The following JARID2 variants were observed in gnomAD, a reference collection of about 807,000 sequenced individuals.
JARID2 encodes the protein jumonji and AT-rich interaction domain containing 2.
In JARID2, 21 loss-of-function variants were observed where a neutral mutation model predicts 125.6. The observed-to-expected ratio is 0.17, with a 90% confidence interval of 0.12 to 0.24. The LOEUF (loss-of-function observed/expected upper bound fraction) is 0.24. Among genes scored for constraint, JARID2 ranks in the 10% least tolerant of loss-of-function variants. JARID2 has a pLI of 1.00. For missense variants in JARID2, 1,303 were observed against 1,639.6 expected, an observed-to-expected ratio of 0.79 and a Z score of 3.55; for synonymous variants, 736 against 661.6, an observed-to-expected ratio of 1.11 and a Z score of -1.73.
At chr6:15,351,432 A>G (rs763495382) in intron 1 of JARID2, among the ~76,000 whole-genome samples, 1 of 152,188 alleles carries the variant, frequency 6.6e-6, no homozygotes, top group Non-Finnish European at 1.5e-5. Flanking sequence ...CCTCATGGAA[A>G]GACACTGGCC....
At chr6:15,375,996 C>T (rs1360203308) in intron 2 of JARID2, among the ~76,000 whole-genome samples, 1 of 152,188 alleles carries the variant, frequency 6.6e-6, no homozygotes, top group Non-Finnish European at 1.5e-5. Context: ...TGAACAAAAA[C>T]TAAAGTTTGT....
At chr6:15,307,369 T>C (rs185598701) in intron 1 of JARID2, among the ~76,000 whole-genome samples, 1 of 152,106 alleles carries the variant, frequency 6.6e-6, no homozygotes, top group Non-Finnish European at 1.5e-5. Context: ...ATCACAGGCA[T>C]ACGGCACCAT....
At chr6:15,320,262 T>C (rs2127439236) in intron 1 of JARID2, among the ~76,000 whole-genome samples, 1 of 152,348 alleles carries the variant, frequency 6.6e-6, no homozygotes, top group Middle Eastern at 3.4e-3. Flanking sequence ...TAGTATTCAG[T>C]TAAGACACAG....
chr6:15,397,952 T>C (rs1392302505), intron 2 of JARID2, among the ~76,000 whole-genome samples: 1 of 152,146 alleles, frequency 6.6e-6, no homozygotes, highest in Non-Finnish European at 1.5e-5. Flanking sequence ...TTGTGTAGTA[T>C]TATAAATACT....
intron 2 of JARID2, among the ~76,000 whole-genome samples, chr6:15,387,119 A>G (rs1764817103): frequency 6.6e-6 from 1 of 152,128 alleles, no homozygotes. Context: ...TTTTCCCCAG[A>G]GGCACTCTAT....
At chr6:15,328,068 C>G (rs1229588432) in intron 1 of JARID2, among the ~76,000 whole-genome samples, 1 of 151,980 alleles carries the variant, frequency 6.6e-6, no homozygotes, top group African/African-American at 2.4e-5. Flanking sequence ...TGTAGCTGTT[C>G]AATAAATATT....
chr6:15,465,354 G>C (rs1254799041), intron 4 of JARID2, among the ~76,000 whole-genome samples: 1 of 152,182 alleles, frequency 6.6e-6, no homozygotes, highest in Non-Finnish European at 1.5e-5. Context: ...AGGAGGCTGA[G>C]GTGGGAGGAT....
chr6:15,424,352 A>G (rs1035557994), intron 3 of JARID2, among the ~76,000 whole-genome samples: 5 of 151,998 alleles, frequency 3.3e-5, no homozygotes, highest in African/African-American at 4.8e-5. Context: ...TCCCTCCACA[A>G]TCCTCCAAAT....
At chr6:15,409,528 C>A (rs1561843033) in intron 2 of JARID2, among the ~76,000 whole-genome samples, 2 of 152,202 alleles carry the variant, frequency 1.3e-5, no homozygotes, top group African/African-American at 4.8e-5. Context: ...TAGAATACTT[C>A]CATATCAGTT....
intron 2 of JARID2, among the ~76,000 whole-genome samples, chr6:15,399,987 T>C (rs1233832262): frequency 6.6e-6 from 1 of 152,162 alleles, no homozygotes; most frequent in Non-Finnish European, 1.5e-5. Context: ...AGCTATAACA[T>C]ATGAAAGGAG....
chr6:15,452,609 ACTTACGGTT>A, intron 4 of JARID2, among the ~76,000 whole-genome samples: 1 of 152,172 alleles, frequency 6.6e-6, no homozygotes, highest in South Asian at 2.1e-4. Context: ...GTGATGAGGG[ACTTACGGTT>A]CTCTCAGCCC....
intron 1 of JARID2, among the ~76,000 whole-genome samples, chr6:15,268,654 T>C (rs1443991314): frequency 1.3e-5 from 2 of 152,182 alleles, no homozygotes; most frequent in Non-Finnish European, 2.9e-5. Flanking sequence ...TTTTTGCAGC[T>C]CTTTCACATG....
chr6:15,337,234 T>A (rs755501109), intron 1 of JARID2, among the ~76,000 whole-genome samples: 1 of 152,202 alleles, frequency 6.6e-6, no homozygotes, highest in East Asian at 1.9e-4. Context: ...ATGGCTCTTA[T>A]CTCTTTCCTT....
At chr6:15,347,769 G>A (rs921030339) in intron 1 of JARID2, among the ~76,000 whole-genome samples, 5 of 152,146 alleles carry the variant, frequency 3.3e-5, no homozygotes, top group Admixed American at 2.6e-4. Context: ...GCAAGCTGGA[G>A]TGCAGTGGCG....
At chr6:15,455,844 AGAGTAACTAT>A (rs776840182) in intron 4 of JARID2, among the ~76,000 whole-genome samples, 1 of 152,224 alleles carries the variant, frequency 6.6e-6, no homozygotes, top group Non-Finnish European at 1.5e-5. Context: ...GGTTCTTTAA[AGAGTAACTAT>A]GACTTAACTA....
intron 1 of JARID2, among the ~76,000 whole-genome samples, chr6:15,304,872 C>T (rs573248157): frequency 6.6e-6 from 1 of 152,164 alleles, no homozygotes; most frequent in Non-Finnish European, 1.5e-5. Context: ...TGCATCTTAT[C>T]TGCTTGGTGA....
At chr6:15,278,409 AC>A (rs1760618299) in intron 1 of JARID2, among the ~76,000 whole-genome samples, 1 of 151,434 alleles carries the variant, frequency 6.6e-6, no homozygotes, top group Admixed American at 6.6e-5. Flanking sequence ...ACACGGTGAA[AC>A]CCCGTCTCTA....
intron 2 of JARID2, among the ~76,000 whole-genome samples, chr6:15,404,088 A>T (rs1765549450): frequency 6.6e-6 from 1 of 152,202 alleles, no homozygotes; most frequent in South Asian, 2.1e-4. Context: ...GTTGACCACA[A>T]GTGTGCCACC....
At chr6:15,478,761 C>T (rs1769472160) in intron 5 of JARID2, among the ~76,000 whole-genome samples, 1 of 152,018 alleles carries the variant, frequency 6.6e-6, no homozygotes, top group African/African-American at 2.4e-5. Context: ...TCTCCACCTC[C>T]CGGGTTCAAG....
Sources: allele counts gnomAD v4.1 joint callset (sites outside exome capture counted in the v4.1 genomes callset), GRCh38; gene constraint gnomAD v4.1.1; transcripts MANE v1.5; gene names NCBI Gene and HGNC (gene_info 2026-07-23, HGNC 2026-07-21).